DISP1: variants seen among roughly 807,000 people sequenced by gnomAD.
The protein encoded by DISP1 is protein dispatched homolog 1.
A neutral mutation model predicts 37.3 loss-of-function variants in DISP1; 30 were observed. The ratio of observed to expected loss-of-function variants is 0.80; its 90% CI spans 0.60 to 1.09. The LOEUF is 1.09. DISP1 is among the 50% of genes least tolerant of loss of function. The probability of loss-of-function intolerance (pLI) is 0.00; values close to 1 mark genes in which losing one functional copy is unlikely to be tolerated. For synonymous variants in DISP1, 634 were observed against 690.2 expected, an observed-to-expected ratio of 0.92 and a Z score of 1.28; for missense variants, 1,598 against 1,879.5, an observed-to-expected ratio of 0.85 and a Z score of 2.77.
chr1:222,991,653 C>A lies in DISP1; in HGVS notation c.791+6C>A. The stretch of plus-strand genomic sequence containing the variant: ...GCAGATGAACAAGCCAAAAGGTAAT[C>A]AATTATTTATTTTTATATAACTTTT... On this transcript the variant is annotated splice_donor_region_variant and intron_variant, in intron 6 of 8. Coordinates refer to ENST00000675850, the MANE Select transcript of DISP1 (RefSeq NM_001377229.1). 6.2e-7 allele frequency: 1 copy of A among 1,611,002 alleles called. No homozygotes were observed. The highest frequency in any genetic ancestry group is 1.1e-5 in the South Asian group (1 of 90,734).
chr1:222,983,038 C>A, intron 3 of DISP1, 42 bp from the exon 4 acceptor site: 1 of 1,480,712 alleles, frequency 6.8e-7, no homozygotes, highest in Non-Finnish European at 9.3e-7. Context: ...GTTTATGATG[C>A]TCTGTTTTTG....
chr1:222,995,331 C>G (rs1481279705), intron 8 of DISP1, among the ~76,000 whole-genome samples: 1 of 152,038 alleles, frequency 6.6e-6, no homozygotes, highest in Admixed American at 6.6e-5. Context: ...TTTCATTGTT[C>G]CCTATTTCCT....
At chr1:222,920,506 G>C (rs764258587) in intron 1 of DISP1, among the ~76,000 whole-genome samples, 4 of 152,104 alleles carry the variant, frequency 2.6e-5, no homozygotes, top group Non-Finnish European at 4.4e-5. Context: ...TCAAATATGA[G>C]CCTTCTGTCC....
chr1:222,938,695 T>G (rs1674146286), intron 2 of DISP1, among the ~76,000 whole-genome samples: 2 of 128,894 alleles, frequency 1.6e-5, no homozygotes, highest in South Asian at 4.7e-4. Flanking sequence ...ATCGCACCAG[T>G]GCACTCAAGC....
intron 1 of DISP1, among the ~76,000 whole-genome samples, chr1:222,845,992 T>C (rs1558289354): frequency 6.6e-6 from 1 of 152,254 alleles, no homozygotes; most frequent in African/African-American, 2.4e-5. Flanking sequence ...TTTTGTATGC[T>C]GTCTAAAACA....
At position 222,990,705 on chromosome 1, in the gene DISP1, G is replaced by A. The variant is rs776835126; in HGVS notation, c.620G>A (p.Gly207Glu). The change falls in exon 5 of 9, where the codon GGA becomes GAA. Residue 207 changes from glycine to glutamate, a missense_variant. Coordinates refer to ENST00000675850, the MANE Select transcript of DISP1 (RefSeq NM_001377229.1). Reference sequence around the variant, plus strand: ...TTCATCGTAGTCTGTGCCTTGGTTGGAGTATTAGTGCCAGAGCTCCCTGAC... The same window carrying A: ...TTCATCGTAGTCTGTGCCTTGGTTGAAGTATTAGTGCCAGAGCTCCCTGAC... ...TMFIVVCALV[G>E]VLVPELPDFS... is the part of the protein sequence containing the mutation. The A allele has an allele frequency of 1.9e-6, 3 of 1,614,122 alleles. No homozygotes were observed. Among genetic ancestry groups the A allele is most frequent in the East Asian group, 2.2e-5 (1 of 44,884 alleles).
chr1:222,986,231 A>G (rs963263513), intron 4 of DISP1, among the ~76,000 whole-genome samples: 2 of 152,144 alleles, frequency 1.3e-5, no homozygotes, highest in South Asian at 2.1e-4. Context: ...GAATTATACC[A>G]TCTGAAACAC....
At chr1:222,816,738 T>C (rs191592444) in intron 1 of DISP1, among the ~76,000 whole-genome samples, 1 of 152,328 alleles carries the variant, frequency 6.6e-6, no homozygotes, top group East Asian at 1.9e-4. Flanking sequence ...GGCCTAAACA[T>C]AAACAGTGCC....
chr1:222,972,646 A>T (rs34162413), intron 3 of DISP1, among the ~76,000 whole-genome samples: 52,100 of 151,954 alleles, frequency 0.34, 9,576 homozygotes, highest in Middle Eastern at 0.46. Context: ...TCTGAAACCT[A>T]CTTATGTCAA....
intron 1 of DISP1, among the ~76,000 whole-genome samples, chr1:222,904,965 C>T (rs573113395): frequency 6.6e-6 from 1 of 152,320 alleles, no homozygotes; most frequent in East Asian, 1.9e-4. Flanking sequence ...AAAAACTACT[C>T]ATGCTGCAAA....
intron 8 of DISP1, among the ~76,000 whole-genome samples, chr1:222,998,792 G>C (rs1225101386): frequency 6.6e-6 from 1 of 152,148 alleles, no homozygotes; most frequent in Non-Finnish European, 1.5e-5. Context: ...TTTGGTGTCA[G>C]AGACTGTTTA....
chr1:222,869,812 A>C (rs1485551164), intron 1 of DISP1, among the ~76,000 whole-genome samples: 2 of 152,082 alleles, frequency 1.3e-5, no homozygotes, highest in Non-Finnish European at 2.9e-5. Flanking sequence ...ATTATACTTT[A>C]AGTTTTAGGG....
Position 222,922,240 on chromosome 1 carries a change from G to A in DISP1, c.-158-6190G>A, listed in dbSNP as rs147398407. 1.5e-3 allele frequency among the ~76,000 whole-genome samples: 227 copies of A among 152,152 alleles called. 11 individuals carry two copies. The East Asian group carries it at 0.04, about 27-fold the overall frequency. The stretch of plus-strand genomic sequence containing the variant: ...TTAAACTAGTGGGGGAGCCATGAGT[G>A]TTTTTTTGGACTGAAGAGCAGCTTG... On this transcript the variant is annotated intron_variant, in intron 1 of 8. Transcript: ENST00000675850.
chr1:222,837,252 C>T (rs1404397015), intron 1 of DISP1: 5 of 391,374 alleles, frequency 1.3e-5, no homozygotes, highest in South Asian at 1.4e-4. Flanking sequence ...CAGAGATGGA[C>T]GCCAATTGAT....
rs142836224 is a variant in DISP1 at position 222,948,290 on chromosome 1, T to G, written c.509+4958T>G. On this transcript the variant is annotated intron_variant, in intron 3 of 8. Coordinates refer to ENST00000675850, the MANE Select transcript of DISP1 (RefSeq NM_001377229.1). ...AGAATGAACACTGAAGCACTTTGAC[T>G]CAGGCCAGCAGGTATTATATTTGCA... Among the ~76,000 whole-genome samples the G allele has an allele frequency of 1.4e-4, 21 of 152,336 alleles. 1 individual carries two copies. In the East Asian group the frequency reaches 3.9e-3, roughly 28 times the overall value.
chr1:222,889,049 T>C (rs1233649058), intron 1 of DISP1, among the ~76,000 whole-genome samples: 1 of 152,158 alleles, frequency 6.6e-6, no homozygotes, highest in Non-Finnish European at 1.5e-5. Context: ...GTTGGGAATG[T>C]TACTTTGAGA....
At chr1:222,874,633 C>G (rs1012631474) in intron 1 of DISP1, among the ~76,000 whole-genome samples, 1 of 152,080 alleles carries the variant, frequency 6.6e-6, no homozygotes, top group African/African-American at 2.4e-5. Flanking sequence ...GACTTCTCTG[C>G]ATTGGTTATT....
chr1:222,836,403 A>G (rs2125273379), intron 1 of DISP1, among the ~76,000 whole-genome samples: 1 of 152,344 alleles, frequency 6.6e-6, no homozygotes, highest in African/African-American at 2.4e-5. Context: ...GAAAAGAATT[A>G]TCATTTTAAA....
intron 1 of DISP1, among the ~76,000 whole-genome samples, chr1:222,899,360 A>T (rs1195031590): frequency 6.6e-6 from 1 of 152,228 alleles, no homozygotes; most frequent in Non-Finnish European, 1.5e-5. Context: ...ATGTCTTCTT[A>T]GTTGATGAAT....
Sources: allele counts gnomAD v4.1 joint callset (sites outside exome capture counted in the v4.1 genomes callset), GRCh38; gene constraint gnomAD v4.1.1; transcripts MANE v1.5; gene names NCBI Gene and HGNC (gene_info 2026-07-23, HGNC 2026-07-21).